SPAG16: variants seen among roughly 807,000 people sequenced by gnomAD.
SPAG16 encodes the protein sperm-associated antigen 16 protein.
A neutral mutation model predicts 80.4 loss-of-function variants in SPAG16; 86 were observed. The ratio of observed to expected loss-of-function variants is 1.07; its 90% CI spans 0.90 to 1.28. The LOEUF (loss-of-function observed/expected upper bound fraction) is 1.28, where lower values mean the gene tolerates loss of function less well. Ranked by LOEUF, SPAG16 falls within the 50% of genes most tolerant of loss-of-function variation. The probability of loss-of-function intolerance (pLI) is 0.00; values close to 1 mark genes in which losing one functional copy is unlikely to be tolerated. For missense variants in SPAG16, 870 were observed against 765.3 expected, an observed-to-expected ratio of 1.14 and a Z score of -1.61; for synonymous variants, 294 against 265.9, an observed-to-expected ratio of 1.11 and a Z score of -1.03.
intron 10 of SPAG16, among the ~76,000 whole-genome samples, chr2:213,809,175 T>C (rs1244384782): frequency 6.6e-6 from 1 of 152,302 alleles, no homozygotes; most frequent in Non-Finnish European, 1.5e-5. Context: ...AGGGAATACA[T>C]TGGATTTATG....
At chr2:213,580,393 T>C (rs1356395084) in intron 10 of SPAG16, among the ~76,000 whole-genome samples, 1 of 152,176 alleles carries the variant, frequency 6.6e-6, no homozygotes, top group African/African-American at 2.4e-5. Flanking sequence ...TTTATCTTGA[T>C]AATTTGTCTT....
chr2:213,432,594 A>G (rs1221097774), intron 9 of SPAG16, among the ~76,000 whole-genome samples: 1 of 152,164 alleles, frequency 6.6e-6, no homozygotes, highest in Non-Finnish European at 1.5e-5. Flanking sequence ...TGAATCAGTA[A>G]TAAAAAATAA....
chr2:213,688,148 T>C (rs113111624), intron 10 of SPAG16, among the ~76,000 whole-genome samples: 2,590 of 152,356 alleles, frequency 0.017, 35 homozygotes, highest in South Asian at 0.038. Context: ...AAACATTTTC[T>C]AGTTGACAAT....
intron 14 of SPAG16, among the ~76,000 whole-genome samples, chr2:214,109,498 A>T (rs1172234767): frequency 6.6e-6 from 1 of 152,210 alleles, no homozygotes; most frequent in Non-Finnish European, 1.5e-5. Flanking sequence ...TGGATTACTT[A>T]CATCTAACAT....
At chr2:214,191,228 A>C (rs1414729714) in intron 15 of SPAG16, among the ~76,000 whole-genome samples, 2 of 152,124 alleles carry the variant, frequency 1.3e-5, no homozygotes, top group Admixed American at 1.3e-4. Context: ...TTAGTGAGAA[A>C]AAAGGCACAG....
chr2:213,310,686 A>G (rs2063151017), intron 4 of SPAG16, among the ~76,000 whole-genome samples: 1 of 151,754 alleles, frequency 6.6e-6, no homozygotes, highest in South Asian at 2.1e-4. Flanking sequence ...GTGGAATTGT[A>G]TTTTGAATAT....
chr2:214,037,864 GGTGTGTGTGTGTGT>G (rs35564156), intron 13 of SPAG16, among the ~76,000 whole-genome samples: 324 of 133,626 alleles, frequency 2.4e-3, no homozygotes, highest in Non-Finnish European at 3.8e-3. Flanking sequence ...CCAGAAGCCT[GGTGTGTGTGTGTGT>G]GTGTGTGTGT....
At chr2:213,879,265 T>A (rs2076254154) in intron 11 of SPAG16, among the ~76,000 whole-genome samples, 1 of 152,026 alleles carries the variant, frequency 6.6e-6, no homozygotes, top group Non-Finnish European at 1.5e-5. Flanking sequence ...TATTCATTCT[T>A]CCAATTCATG....
At chr2:214,098,445 A>G (rs10169892) in intron 13 of SPAG16, among the ~76,000 whole-genome samples, 13,998 of 152,038 alleles carry the variant, frequency 0.092, 818 homozygotes, top group East Asian at 0.29. Context: ...CAATATGACT[A>G]GTGTCCTCAT....
chr2:213,420,903 A>T (rs2069543519), intron 9 of SPAG16, among the ~76,000 whole-genome samples: 2 of 152,234 alleles, frequency 1.3e-5, no homozygotes, highest in East Asian at 3.9e-4. Flanking sequence ...GGATGGGAAA[A>T]ACAGAAATTA....
At chr2:213,630,334 A>G (rs1479466522) in intron 10 of SPAG16, among the ~76,000 whole-genome samples, 1 of 151,750 alleles carries the variant, frequency 6.6e-6, no homozygotes, top group Non-Finnish European at 1.5e-5. Flanking sequence ...CAGTGAGCCG[A>G]GATTGCACCA....
intron 11 of SPAG16, among the ~76,000 whole-genome samples, chr2:213,863,954 CT>C (rs985386547): frequency 2.0e-5 from 3 of 151,876 alleles, no homozygotes; most frequent in Admixed American, 6.6e-5. Context: ...ATACTGTTTG[CT>C]TTTTTTCAGT....
chr2:214,162,007 G>T (rs1041526407), intron 15 of SPAG16, among the ~76,000 whole-genome samples: 2 of 152,076 alleles, frequency 1.3e-5, no homozygotes, highest in East Asian at 3.9e-4. Flanking sequence ...TTAGCTTTAC[G>T]TTGGTAGCTT....
chr2:214,131,505 C>A (rs756314272), intron 14 of SPAG16, among the ~76,000 whole-genome samples: 3 of 151,916 alleles, frequency 2.0e-5, no homozygotes, highest in Non-Finnish European at 4.4e-5. Context: ...ACACAAAAAC[C>A]TCCACATAGA....
intron 13 of SPAG16, among the ~76,000 whole-genome samples, chr2:214,104,458 G>C (rs2053264596): frequency 6.6e-6 from 1 of 152,060 alleles, no homozygotes; most frequent in Admixed American, 6.6e-5. Context: ...CCATAGTCAG[G>C]GTCTGTAGGA....
chr2:213,835,890 T>C (rs1321649824), intron 10 of SPAG16, among the ~76,000 whole-genome samples: 1 of 152,198 alleles, frequency 6.6e-6, no homozygotes, highest in Non-Finnish European at 1.5e-5. Context: ...AGTTTGGGCA[T>C]GTATGTGACA....
At chr2:214,279,951 G>A (rs1469706123) in intron 15 of SPAG16, among the ~76,000 whole-genome samples, 1 of 152,110 alleles carries the variant, frequency 6.6e-6, no homozygotes, top group African/African-American at 2.4e-5. Context: ...TACAAACATA[G>A]GAAAAACTAA....
At chr2:213,549,393 C>G (rs1432581085) in intron 10 of SPAG16, among the ~76,000 whole-genome samples, 2 of 152,064 alleles carry the variant, frequency 1.3e-5, no homozygotes. Context: ...GCTATCTCAT[C>G]AACATGTCTA....
intron 13 of SPAG16, among the ~76,000 whole-genome samples, chr2:214,076,330 C>CT (rs1405477016): frequency 6.6e-6 from 1 of 152,066 alleles, no homozygotes; most frequent in Admixed American, 6.6e-5. Context: ...AAGAAGGTAT[C>CT]TAGGGATTAA....
Sources: allele counts gnomAD v4.1 joint callset (sites outside exome capture counted in the v4.1 genomes callset), GRCh38; gene constraint gnomAD v4.1.1; transcripts MANE v1.5; gene names NCBI Gene and HGNC (gene_info 2026-07-23, HGNC 2026-07-21).